The following SPIRE2 variants were observed in gnomAD, a reference collection of about 807,000 sequenced individuals.
The protein encoded by SPIRE2 is protein spire homolog 2.
A neutral mutation model predicts 80.7 loss-of-function variants in SPIRE2; 76 were observed. That is an observed-to-expected ratio of 0.94 (90% CI 0.78 to 1.14). SPIRE2 has a LOEUF of 1.14. Among genes scored for constraint, SPIRE2 ranks in the 50% most tolerant of loss-of-function variants. The probability of loss-of-function intolerance (pLI) is 0.00; values close to 1 mark genes in which losing one functional copy is unlikely to be tolerated. For missense variants in SPIRE2, 1,196 were observed against 1,015.3 expected, an observed-to-expected ratio of 1.18 and a Z score of -2.42; for synonymous variants, 535 against 432.6, an observed-to-expected ratio of 1.24 and a Z score of -2.94.
chr16:89,837,444 A>G (rs141980966), intron 1 of SPIRE2, among the ~76,000 whole-genome samples: 46 of 152,286 alleles, frequency 3.0e-4, no homozygotes, highest in African/African-American at 7.9e-4. Flanking sequence ...CGTGAGGCGC[A>G]TGTGACAGGG....
Position 89,828,706 on chromosome 16 carries a change from G to T in SPIRE2, c.156G>T (p.Arg52=). 2 of 1,272,484 alleles carry T rather than the reference G, an allele frequency of 1.6e-6. No homozygotes were observed. The highest frequency in any genetic ancestry group is 1.5e-5 in the African/African-American group (1 of 65,014). The allele number at this position is 1,272,484 out of a possible 1,614,324, so 78.8% of individuals were successfully genotyped here. ...GCTTCCAGGGCTGCCGCGGGCTGCG[G>T]GGCTCGCCGGGCCGGCGCCTGCGGG... is the stretch of plus-strand genomic sequence containing the variant. ...AVCFQGCRGL[R]GSPGRRLRDT... is the part of the protein sequence containing the mutation. Residue 52 remains arginine (R), a synonymous_variant, in exon 1 of 15, where the codon CGG becomes CGT. Transcript: ENST00000378247. The surrounding 1 kb of genome is among the most constrained non-coding windows in gnomAD (Gnocchi z 5.9).
rs542732872 is a variant in SPIRE2, at chr16:89,868,681, C to G, written c.1806+465C>G. Among the ~76,000 whole-genome samples the G allele has an allele frequency of 2.7e-4, 41 of 152,036 alleles. No individual in the cohort carries two copies. The South Asian group carries it at 7.7e-3, about 29-fold the overall frequency. On this transcript the variant is annotated intron_variant, in intron 13 of 14. Coordinates refer to ENST00000378247, the MANE Select transcript of SPIRE2 (RefSeq NM_032451.2). Reference sequence around the variant, plus strand: ...CAGCCTGGCCAACATGGTGAAACCCCATCTCTACTAAAAATACAAAAAAAT... The same window carrying G: ...CAGCCTGGCCAACATGGTGAAACCCGATCTCTACTAAAAATACAAAAAAAT...
chr16:89,829,464 G>C (rs2041358706), intron 1 of SPIRE2, among the ~76,000 whole-genome samples: 2 of 152,254 alleles, frequency 1.3e-5, no homozygotes, highest in Non-Finnish European at 2.9e-5. Flanking sequence ...GAGAGCTGGA[G>C]TGCTGGCTTG....
At chr16:89,854,763 G>A (rs2041673668) in intron 5 of SPIRE2, 112 bp downstream of exon 5, 4 of 1,178,194 alleles carry the variant, frequency 3.4e-6, no homozygotes, top group South Asian at 2.8e-5. Context: ...AGCGGCCCAG[G>A]GTCCCTGCTC....
rs961035718 is a variant in SPIRE2 at position 89,855,626 on chromosome 16, G to A, written c.918G>A (p.Val306=). Residue 306 remains valine (V), a synonymous_variant, in exon 6 of 15, where the codon GTG becomes GTA. Coordinates refer to ENST00000378247, the MANE Select transcript of SPIRE2 (RefSeq NM_032451.2). ...TGGATGGGGACATCCCGCCCCGGGT[G>A]AAGAAGGACGCTCACGAGCTCATCC... is the stretch of plus-strand genomic sequence containing the variant. The part of the protein sequence containing the change: ...VMVDGDIPPR[V]KKDAHELILD... 6.2e-7 allele frequency: 1 copy of A among 1,612,730 alleles called. No individual in the cohort carries two copies. Among genetic ancestry groups the A allele is most frequent in the African/African-American group, 1.3e-5 (1 of 74,914 alleles).
intron 1 of SPIRE2, among the ~76,000 whole-genome samples, chr16:89,843,690 TG>T (rs61516173): frequency 0.48 from 29,009 of 59,992 alleles, 8,628 homozygotes; most frequent in East Asian, 0.89. Flanking sequence ...TGTTTGTTTT[TG>T]TTTTTTGTTT....
intron 2 of SPIRE2, chr16:89,845,830 G>A (rs932867876): frequency 2.6e-5 from 14 of 543,146 alleles, no homozygotes; most frequent in Non-Finnish European, 4.2e-5. Flanking sequence ...TGTCTGGAAC[G>A]TCATGTTTCC....
chr16:89,860,505 C>T (rs2041733272), intron 9 of SPIRE2, among the ~76,000 whole-genome samples, 178 bp from the exon 10 acceptor site: 4 of 152,048 alleles, frequency 2.6e-5, no homozygotes, highest in Admixed American at 2.6e-4. Flanking sequence ...AAGGTTCCAC[C>T]CGCCTCGGCC....
intron 1 of SPIRE2, among the ~76,000 whole-genome samples, chr16:89,835,961 G>C (rs1195933868): frequency 1.3e-5 from 2 of 152,148 alleles, no homozygotes; most frequent in Non-Finnish European, 2.9e-5. Flanking sequence ...GATCACATGA[G>C]GTCAGGAGTT....
intron 10 of SPIRE2, chr16:89,862,263 A>G (rs559561967): frequency 6.6e-6 from 1 of 152,192 alleles, no homozygotes; most frequent in Admixed American, 6.5e-5. Flanking sequence ...TCGGCCTCCC[A>G]AAGTGCTGGG....
In SPIRE2 at chr16:89,850,585, G is replaced by C; in HGVS notation, c.570G>C (p.Gln190His). 5 of 1,518,350 alleles carry C rather than the reference G, an allele frequency of 3.3e-6. No individual in the cohort carries two copies. Among genetic ancestry groups the C allele is most frequent in the Non-Finnish European group, 4.4e-6 (5 of 1,138,338 alleles). The allele number at this position is 1,518,350 out of a possible 1,614,324, so 94.1% of individuals were successfully genotyped here. ...TDPRGAQAHY[Q>H]AVCRALFVET... ...CCCGGGGCGCACAGGCGCATTACCA[G>C]GCCGTGTGCCGCGCGCTCTTCGTGG... The change falls in exon 3 of 15, where the codon CAG (glutamine) becomes CAC (histidine). Residue 190 changes from glutamine (Q) to histidine (H), a missense_variant. Transcript: ENST00000378247.
chr16:89,851,770 T>G (rs1311875899), intron 3 of SPIRE2, among the ~76,000 whole-genome samples: 1 of 152,048 alleles, frequency 6.6e-6, no homozygotes, highest in African/African-American at 2.4e-5. Context: ...ACGCCAGGCC[T>G]TGGAGAGGCA....
At chr16:89,853,024 G>C (rs976472380) in intron 3 of SPIRE2, among the ~76,000 whole-genome samples, 1 of 151,600 alleles carries the variant, frequency 6.6e-6, no homozygotes, top group Admixed American at 6.6e-5. Flanking sequence ...AGATCCCATG[G>C]CCCATCTTCC....
chr16:89,845,201 T>G, intron 1 of SPIRE2, 121 bp from the exon 2 acceptor site: 1 of 895,296 alleles, frequency 1.1e-6, no homozygotes. Flanking sequence ...GTGAGCTTTC[T>G]GGTGTTCCGG....
At chr16:89,845,756 G>T in intron 2 of SPIRE2, 3 of 609,140 alleles carry the variant, frequency 4.9e-6, no homozygotes, top group South Asian at 3.8e-5. Context: ...AACCCCACCC[G>T]ACCAAAACTG....
At chr16:89,865,295 C>T (rs542697838) in intron 12 of SPIRE2, among the ~76,000 whole-genome samples, 4 of 152,220 alleles carry the variant, frequency 2.6e-5, no homozygotes, top group South Asian at 4.1e-4. Context: ...CGTAAGCCAC[C>T]GCGCCTGGCC....
chr16:89,870,160 A>G lies in SPIRE2; in HGVS notation c.2033A>G (p.Asp678Gly), dbSNP rs1597227560. 6.2e-7 allele frequency: 1 copy of G among 1,611,228 alleles called. No individual in the cohort carries two copies. Among genetic ancestry groups the G allele is most frequent in the Non-Finnish European group, 8.5e-7 (1 of 1,179,040 alleles). ...VCSECTSFVADVVRSSRKSVD... is the reference protein window; with the variant it reads ...VCSECTSFVAGVVRSSRKSVD... Reference sequence around the variant, plus strand: ...AGTGAGTGCACCAGCTTTGTGGCAGACGTGGTGCGTTCCAGCCGCAAGAGC... The same window carrying G: ...AGTGAGTGCACCAGCTTTGTGGCAGGCGTGGTGCGTTCCAGCCGCAAGAGC... Residue 678 changes from aspartate (D) to glycine (G), a missense_variant, in exon 15 of 15, where the codon GAC becomes GGC. Coordinates refer to ENST00000378247, the MANE Select transcript of SPIRE2 (RefSeq NM_032451.2).
chr16:89,860,490 G>A (rs1296854388), intron 9 of SPIRE2, among the ~76,000 whole-genome samples, 193 bp from the exon 10 acceptor site: 1 of 151,974 alleles, frequency 6.6e-6, no homozygotes, highest in Non-Finnish European at 1.5e-5. Context: ...CAAGCTCCTA[G>A]GCTCAAGGTT....
intron 1 of SPIRE2, among the ~76,000 whole-genome samples, chr16:89,843,666 CG>C (rs2041524555): frequency 4.2e-5 from 2 of 47,314 alleles, no homozygotes; most frequent in South Asian, 1.5e-3. Context: ...CTTGCTGCCA[CG>C]TTTTTTTTTT....
Sources: allele counts gnomAD v4.1 joint callset (sites outside exome capture counted in the v4.1 genomes callset), GRCh38; gene constraint gnomAD v4.1.1; non-coding constraint Gnocchi (gnomAD v3.1); transcripts MANE v1.5; gene names NCBI Gene and HGNC (gene_info 2026-07-23, HGNC 2026-07-21).